Variants in MAL2 observed in about 807,000 individuals in gnomAD.
The protein encoded by MAL2 is protein MAL2.
A neutral mutation model predicts 18.1 loss-of-function variants in MAL2; 17 were observed. The ratio of observed to expected loss-of-function variants is 0.94; its 90% CI spans 0.64 to 1.41. The LOEUF (loss-of-function observed/expected upper bound fraction) is 1.41, where lower values mean the gene tolerates loss of function less well. MAL2 is among the 40% of genes most tolerant of loss of function. The probability of loss-of-function intolerance (pLI) is 0.00; values close to 1 mark genes in which losing one functional copy is unlikely to be tolerated. For synonymous variants in MAL2, 102 were observed against 102.3 expected (o/e 1.00, Z 0.02); for missense variants, 222 against 231.9 (o/e 0.96, Z 0.28).
intron 2 of MAL2, among the ~76,000 whole-genome samples, chr8:119,222,829 CAAAAAAAA>C (rs11309798): frequency 4.7e-5 from 5 of 107,428 alleles, no homozygotes; most frequent in African/African-American, 1.9e-4. Context: ...CCTTGTCTCT[CAAAAAAAA>C]AAAAAAAAAA....
In MAL2 at chr8:119,230,800, TG is replaced by T. The variant is rs1205545855; in HGVS notation, c.303+9047del. Among the ~76,000 whole-genome samples, 3 of 152,218 alleles carry T rather than the reference TG, an allele frequency of 2.0e-5. No individual in the cohort carries two copies. The East Asian group carries it at 5.8e-4, about 29-fold the overall frequency. On this transcript the variant is annotated intron_variant, in intron 2 of 3. Coordinates refer to ENST00000614891, the MANE Select transcript of MAL2 (RefSeq NM_052886.3). ...CATTAAAAATGGTGACATTTGAATT[TG>T]GGGTTTGACCTTCATCAGCTAATAT...
intron 2 of MAL2, 149 bp downstream of exon 2, chr8:119,221,906 T>C: frequency 1.2e-6 from 1 of 830,910 alleles, no homozygotes; most frequent in African/African-American, 1.7e-5. Flanking sequence ...TGCGGTGGTG[T>C]GTGGCTGCCT....
At chr8:119,230,461 C>T (rs1587133583) in intron 2 of MAL2, among the ~76,000 whole-genome samples, 1 of 151,932 alleles carries the variant, frequency 6.6e-6, no homozygotes, top group East Asian at 1.9e-4. Context: ...AAGGGGCAAG[C>T]AGTAATTGCT....
intron 2 of MAL2, among the ~76,000 whole-genome samples, chr8:119,233,503 T>C (rs548406703): frequency 4.6e-5 from 7 of 152,280 alleles, no homozygotes; most frequent in African/African-American, 1.7e-4. Context: ...ATAGCAGCAC[T>C]GATCCACAGA....
At chr8:119,214,514 C>A (rs759532793) in intron 1 of MAL2, among the ~76,000 whole-genome samples, 1 of 151,956 alleles carries the variant, frequency 6.6e-6, no homozygotes, top group Non-Finnish European at 1.5e-5. Context: ...GGCATTGGCA[C>A]GCAGGAACAG....
intron 2 of MAL2, among the ~76,000 whole-genome samples, chr8:119,233,061 G>A (rs1817770571): frequency 1.3e-5 from 2 of 152,148 alleles, no homozygotes; most frequent in South Asian, 2.1e-4. Context: ...ATATTCTGTT[G>A]ATTTGGGGTG....
At chr8:119,224,172 T>G (rs1212878912) in intron 2 of MAL2, 5 of 152,342 alleles carry the variant, frequency 3.3e-5, no homozygotes, top group Middle Eastern at 3.4e-3. Context: ...CAGTTTTTCC[T>G]GAGCTTTCTA....
At chr8:119,240,984 G>A (rs1256232536) in intron 3 of MAL2, among the ~76,000 whole-genome samples, 1 of 152,140 alleles carries the variant, frequency 6.6e-6, no homozygotes. Flanking sequence ...AGAGATCATT[G>A]TTAAGATGTC....
intron 2 of MAL2, among the ~76,000 whole-genome samples, chr8:119,229,618 C>T (rs1260941018): frequency 6.6e-6 from 1 of 152,110 alleles, no homozygotes; most frequent in Non-Finnish European, 1.5e-5. Flanking sequence ...AGCTATGGGC[C>T]ACTTTTCTTT....
intron 1 of MAL2, among the ~76,000 whole-genome samples, chr8:119,218,020 A>G (rs1040745173): frequency 1.3e-5 from 2 of 152,182 alleles, no homozygotes; most frequent in African/African-American, 4.8e-5. Context: ...AGGAAATCAC[A>G]AAGTAGGGAA....
intron 1 of MAL2, among the ~76,000 whole-genome samples, chr8:119,220,322 G>C (rs946539516): frequency 2.0e-5 from 3 of 151,994 alleles, no homozygotes; most frequent in African/African-American, 7.3e-5. Context: ...CTTTCTCTCT[G>C]TCCTCAGTGT....
At chr8:119,237,691 A>G (rs942822392) in intron 2 of MAL2, among the ~76,000 whole-genome samples, 16 of 151,928 alleles carry the variant, frequency 1.1e-4, no homozygotes, top group Admixed American at 5.2e-4. Context: ...CAAAAACCAC[A>G]TGATTATCTC....
At chr8:119,243,220 G>A (rs1014227839) in intron 3 of MAL2, among the ~76,000 whole-genome samples, 197 bp from the exon 4 acceptor site, 1 of 151,974 alleles carries the variant, frequency 6.6e-6, no homozygotes, top group Non-Finnish European at 1.5e-5. Context: ...TTAAAGGAAG[G>A]GGGGAGGGTA....
chr8:119,225,691 CCA>C (rs1332623616), intron 2 of MAL2, among the ~76,000 whole-genome samples: 1 of 152,170 alleles, frequency 6.6e-6, no homozygotes, highest in African/African-American at 2.4e-5. Flanking sequence ...TGAGGAATCG[CCA>C]CACTGACTTC....
chr8:119,231,030 T>TTTTA (rs1817712154), intron 2 of MAL2, among the ~76,000 whole-genome samples: 1 of 152,096 alleles, frequency 6.6e-6, no homozygotes, highest in African/African-American at 2.4e-5. Context: ...CAGTTTTTTT[T>TTTTA]TTTATTTTTT....
rs1818089426 is a variant in MAL2 at position 119,243,449 on chromosome 8, T to C, written c.492T>C (p.Gly164=). 3 of 1,601,754 alleles carry C rather than the reference T, an allele frequency of 1.9e-6. No homozygotes were observed. In the South Asian group the frequency reaches 3.4e-5, roughly 18 times the overall value. The part of the protein sequence containing the change: ...IFAFMTTACY[G]CSLGLALRRW... ...CCTTTATGACGACAGCTTGTTATGG[T>C]TGCAGTTTGGGTCTGGCTTTACGAA... Residue 164 remains glycine, a synonymous_variant, in exon 4 of 4, where the codon GGT becomes GGC. Coordinates refer to ENST00000614891, the MANE Select transcript of MAL2 (RefSeq NM_052886.3).
rs1367327834 is a variant in MAL2 at position 119,245,244 on chromosome 8, G to A, written c.*1756G>A. On this transcript the variant is annotated 3_prime_UTR_variant, in exon 4 of 4. Coordinates refer to ENST00000614891, the MANE Select transcript of MAL2 (RefSeq NM_052886.3). ...TACCACACACCTAAACCTGTATTAT[G>A]AATTACATATTACAAAGTCATAAAT... 1 of 152,520 alleles carries A rather than the reference G, an allele frequency of 6.6e-6. No homozygotes were observed. The highest frequency in any genetic ancestry group is 2.4e-5 in the African/African-American group (1 of 41,418). 9.4% of individuals were successfully genotyped at this position (152,520 alleles called of 1,614,324 possible). A position where few individuals can be genotyped will look rare whatever the true frequency, so the allele number is the denominator to read the frequency against.
Position 119,244,814 on chromosome 8 carries a change from A to G in MAL2, c.*1326A>G, listed in dbSNP as rs1264453828. On this transcript the variant is annotated 3_prime_UTR_variant, in exon 4 of 4. Coordinates refer to ENST00000614891, the MANE Select transcript of MAL2 (RefSeq NM_052886.3). ...CAGAAAAGTATTTTAACCTACCTGT[A>G]GAGATCCTCGTCATGGAAAGGTGCC... The G allele has an allele frequency of 6.6e-6, 1 of 152,600 alleles. No individual in the cohort carries two copies. The highest frequency in any genetic ancestry group is 2.4e-5 in the African/African-American group (1 of 41,468). The allele number at this position is 152,600 out of a possible 1,614,324, so 9.5% of individuals were successfully genotyped here.
rs749108174 is a variant in MAL2 at position 119,240,153 on chromosome 8, C to G, written c.304-12C>G. The stretch of plus-strand genomic sequence containing the variant: ...TTTTTTAATTGCAGATGTCTTTTCT[C>G]TCCTCTTTTAGGATTTTGCCTACCA... On this transcript the variant is annotated splice_polypyrimidine_tract_variant and intron_variant, in intron 2 of 3. Transcript: ENST00000614891. 7 of 1,610,100 alleles carry G rather than the reference C, an allele frequency of 4.3e-6. No homozygotes were observed. The South Asian group carries it at 4.4e-5, about 10-fold the overall frequency.
Sources: allele counts gnomAD v4.1 joint callset (sites outside exome capture counted in the v4.1 genomes callset), GRCh38; gene constraint gnomAD v4.1.1; transcripts MANE v1.5; gene names NCBI Gene and HGNC (gene_info 2026-07-23, HGNC 2026-07-21).